The following ESRRB variants were observed in gnomAD, a reference collection of about 807,000 sequenced individuals.
ESRRB encodes the protein estrogen related receptor beta, also known as steroid hormone receptor ERR2.
ESRRB carries 16 observed loss-of-function variants against 46.0 expected under a neutral mutation model. The ratio of observed to expected loss-of-function variants is 0.35; its 90% CI spans 0.24 to 0.53. The LOEUF (loss-of-function observed/expected upper bound fraction) is 0.53, where lower values mean the gene tolerates loss of function less well. Ranked by LOEUF, ESRRB falls within the 20% of genes least tolerant of loss-of-function variation. The pLI, the probability that ESRRB is intolerant of heterozygous loss-of-function variation, is 0.93. For synonymous variants in ESRRB, 246 were observed against 259.6 expected, an observed-to-expected ratio of 0.95 and a Z score of 0.50; for missense variants, 488 against 607.4, an observed-to-expected ratio of 0.80 and a Z score of 2.07.
At chr14:76,350,271 G>A (rs1284926942) in intron 1 of ESRRB, among the ~76,000 whole-genome samples, 1 of 152,230 alleles carries the variant, frequency 6.6e-6, no homozygotes, top group Non-Finnish European at 1.5e-5. Flanking sequence ...CCAGCCAGGG[G>A]TGTGGGTAGG....
Position 76,411,382 on chromosome 14 carries a change from A to G in ESRRB, c.51-27959A>G, listed in dbSNP as rs1212686833. ...AGAATCACTTGAATCTGGGAGAAAG[A>G]GGATGCAGTGAGCTGAGATTGCGCC... is the stretch of plus-strand genomic sequence containing the variant. On this transcript the variant is annotated intron_variant, in intron 1 of 6. Coordinates refer to ENST00000644823, the MANE Select transcript of ESRRB (RefSeq NM_001379180.1). 5.9e-5 allele frequency among the ~76,000 whole-genome samples: 9 copies of G among 152,062 alleles called. No individual in the cohort carries two copies. The East Asian group carries it at 1.7e-3, about 29-fold the overall frequency.
At chr14:76,364,263 A>G (rs1243915647) in intron 1 of ESRRB, among the ~76,000 whole-genome samples, 1 of 152,214 alleles carries the variant, frequency 6.6e-6, no homozygotes, top group African/African-American at 2.4e-5. Context: ...TATTTGATAA[A>G]AGGCAGCATG....
chr14:76,491,382 C>T (rs535261593), intron 5 of ESRRB, 65 bp from the exon 6 acceptor site: 2 of 1,558,442 alleles, frequency 1.3e-6, no homozygotes, highest in African/African-American at 1.4e-5. Flanking sequence ...CCCAGCGAGC[C>T]CCAGGGAGGC....
In ESRRB at chr14:76,499,007, C is replaced by T. The variant is rs559244771; in HGVS notation, c.*549C>T. ...AGAGGCCCCATACCTTCCACAGTTT[C>T]CACTCAGCTTTCAGCCAGGGGGTAC... On this transcript the variant is annotated 3_prime_UTR_variant, in exon 7 of 7. Coordinates refer to ENST00000644823, the MANE Select transcript of ESRRB (RefSeq NM_001379180.1). The T allele has an allele frequency of 5.2e-5, 19 of 368,434 alleles. No homozygotes were observed. Among genetic ancestry groups the T allele is most frequent in the East Asian group, 3.6e-4 (5 of 14,076 alleles). The allele number at this position is 368,434 out of a possible 1,614,324, so 22.8% of individuals were successfully genotyped here.
At chr14:76,448,528 G>A (rs1160566007) in intron 2 of ESRRB, among the ~76,000 whole-genome samples, 2 of 151,492 alleles carry the variant, frequency 1.3e-5, no homozygotes, top group South Asian at 2.1e-4. Context: ...TAGAGACGGG[G>A]TTTCACCATG....
intron 3 of ESRRB, among the ~76,000 whole-genome samples, chr14:76,464,486 T>C (rs1163722992): frequency 6.6e-6 from 1 of 152,132 alleles, no homozygotes; most frequent in Admixed American, 6.5e-5. Flanking sequence ...AAACAGAAGC[T>C]CTTGAAGCAG....
At chr14:76,452,632 C>A (rs150220638) in intron 2 of ESRRB, among the ~76,000 whole-genome samples, 32 of 57,068 alleles carry the variant, frequency 5.6e-4, no homozygotes, top group African/African-American at 1.6e-3. Flanking sequence ...AAAAAAAAAA[C>A]AAAACAAAAA....
chr14:76,450,149 G>T (rs1257080461), intron 2 of ESRRB, among the ~76,000 whole-genome samples: 2 of 152,052 alleles, frequency 1.3e-5, no homozygotes, highest in African/African-American at 4.8e-5. Context: ...GAAAGGGGGG[G>T]GGTCTCATTT....
At chr14:76,455,223 A>T (rs2885231) in intron 2 of ESRRB, among the ~76,000 whole-genome samples, 62,270 of 151,736 alleles carry the variant, frequency 0.41, 15,316 homozygotes, top group African/African-American at 0.7. Flanking sequence ...TCTCAAAAAA[A>T]ATATATATAT....
At chr14:76,328,507 G>A (rs778343254) in intron 1 of ESRRB, among the ~76,000 whole-genome samples, 3 of 151,994 alleles carry the variant, frequency 2.0e-5, no homozygotes, top group Admixed American at 6.5e-5. Context: ...AGGTGCCACC[G>A]TTCATCTAAG....
At chr14:76,467,550 C>T (rs1889171839) in intron 3 of ESRRB, among the ~76,000 whole-genome samples, 1 of 151,136 alleles carries the variant, frequency 6.6e-6, no homozygotes. Context: ...AAGACAACCT[C>T]ATTTACACTC....
intron 1 of ESRRB, among the ~76,000 whole-genome samples, chr14:76,424,611 G>A (rs762307386): frequency 2.6e-5 from 4 of 152,210 alleles, no homozygotes; most frequent in Admixed American, 6.5e-5. Flanking sequence ...CACCTTAAAC[G>A]CTGATTCCAT....
chr14:76,462,472 A>C (rs1275333153), intron 2 of ESRRB, 73 bp from the exon 3 acceptor site: 5 of 1,140,666 alleles, frequency 4.4e-6, no homozygotes, highest in Admixed American at 3.8e-5. Context: ...ATCCCCATCC[A>C]GCCAGCCCTG....
At chr14:76,417,965 T>TTTTTTTG (rs1433603725) in intron 1 of ESRRB, among the ~76,000 whole-genome samples, 5 of 148,886 alleles carry the variant, frequency 3.4e-5, no homozygotes, top group African/African-American at 1.2e-4. Context: ...TTTTTTTTTT[T>TTTTTTTG]TTTGGTGGGG....
chr14:76,439,066 T>G (rs886346997), intron 1 of ESRRB, among the ~76,000 whole-genome samples: 1 of 152,052 alleles, frequency 6.6e-6, no homozygotes, highest in African/African-American at 2.4e-5. Flanking sequence ...CCTCTCAAAG[T>G]GCTGGGATTT....
chr14:76,484,733 G>A (rs186525015), intron 5 of ESRRB, among the ~76,000 whole-genome samples: 58 of 152,342 alleles, frequency 3.8e-4, no homozygotes, highest in African/African-American at 1.1e-3. Context: ...AACCAAGAGG[G>A]CATGGCTAGA....
At chr14:76,379,136 C>T (rs1180428042) in intron 1 of ESRRB, among the ~76,000 whole-genome samples, 4 of 152,190 alleles carry the variant, frequency 2.6e-5, no homozygotes, top group Admixed American at 6.5e-5. Flanking sequence ...GAGAAACATA[C>T]GTACCTTCCT....
chr14:76,475,765 T>A (rs1015090858), intron 3 of ESRRB, among the ~76,000 whole-genome samples: 6 of 152,248 alleles, frequency 3.9e-5, no homozygotes, highest in African/African-American at 1.4e-4. Context: ...CTGAATCATA[T>A]GGTAATTCTG....
chr14:76,431,513 CG>C (rs2139913160), intron 1 of ESRRB, among the ~76,000 whole-genome samples: 1 of 152,284 alleles, frequency 6.6e-6, no homozygotes, highest in East Asian at 1.9e-4. Flanking sequence ...CCAGCAAGCT[CG>C]GTGTCCCCTG....
Sources: gnomAD v4.1 joint callset for allele counts (sites outside exome capture counted in the v4.1 genomes callset) on GRCh38, gnomAD v4.1.1 for gene constraint, MANE v1.5 for transcripts, NCBI Gene and HGNC (gene_info 2026-07-23, HGNC 2026-07-21) for gene names.